RBFOX1: variants seen among roughly 807,000 people sequenced by gnomAD.
The protein encoded by RBFOX1 is RNA binding protein fox-1 homolog 1.
RBFOX1 carries 8 observed loss-of-function variants against 57.7 expected under a neutral mutation model. That is an observed-to-expected ratio of 0.14 (90% CI 0.08 to 0.25). The LOEUF (loss-of-function observed/expected upper bound fraction) is 0.25, where lower values mean the gene tolerates loss of function less well. RBFOX1 is among the 10% of genes least tolerant of loss of function. RBFOX1 has a pLI of 1.00. For synonymous variants in RBFOX1, 326 were observed against 222.4 expected (o/e 1.47, Z -4.15); for missense variants, 611 against 548.5 (o/e 1.11, Z -1.14).
At chr16:7,011,350 T>G (rs2093643751) in intron 3 of RBFOX1, among the ~76,000 whole-genome samples, 2 of 152,212 alleles carry the variant, frequency 1.3e-5, no homozygotes, top group Non-Finnish European at 2.9e-5. Context: ...TTAAGCAATT[T>G]GCCAAGGTCT....
intron 2 of RBFOX1, among the ~76,000 whole-genome samples, chr16:6,638,610 A>G (rs2098463080): frequency 6.6e-6 from 1 of 152,242 alleles, no homozygotes; most frequent in Non-Finnish European, 1.5e-5. Context: ...AGGTGTGTAC[A>G]CATAGATTGA....
intron 4 of RBFOX1, among the ~76,000 whole-genome samples, chr16:5,968,780 A>G (rs967564627): frequency 3.9e-5 from 6 of 152,108 alleles, no homozygotes; most frequent in African/African-American, 1.2e-4. Flanking sequence ...TTGAAATAGG[A>G]TTTTTAGAAT....
chr16:5,393,624 G>T (rs113309215), intron 1 of RBFOX1, among the ~76,000 whole-genome samples: 1 of 152,116 alleles, frequency 6.6e-6, no homozygotes. Flanking sequence ...CTGCTGTGTT[G>T]TTACTTCATG....
At chr16:6,148,791 T>C (rs2096777309) in intron 1 of RBFOX1, among the ~76,000 whole-genome samples, 1 of 152,204 alleles carries the variant, frequency 6.6e-6, no homozygotes, top group African/African-American at 2.4e-5. Context: ...ACCACAAGGG[T>C]GGAGTGGGGA....
At chr16:7,030,919 G>A (rs1208131583) in intron 3 of RBFOX1, among the ~76,000 whole-genome samples, 6 of 152,204 alleles carry the variant, frequency 3.9e-5, no homozygotes, top group Admixed American at 2.6e-4. Context: ...GACAAAGAGT[G>A]GAAGGGAATG....
At chr16:5,273,598 G>C (rs1045305523) in intron 1 of RBFOX1, among the ~76,000 whole-genome samples, 1 of 152,198 alleles carries the variant, frequency 6.6e-6, no homozygotes, top group Non-Finnish European at 1.5e-5. Flanking sequence ...CTGTGTTTAA[G>C]GTGAGAAGCG....
At chr16:5,317,666 T>C (rs530238344) in intron 1 of RBFOX1, among the ~76,000 whole-genome samples, 1 of 152,328 alleles carries the variant, frequency 6.6e-6, no homozygotes, top group East Asian at 1.9e-4. Context: ...TCCCTGAAAG[T>C]GCCTCATTCA....
intron 4 of RBFOX1, among the ~76,000 whole-genome samples, chr16:7,236,745 C>T (rs888855995): frequency 1.4e-4 from 22 of 152,092 alleles, no homozygotes; most frequent in Admixed American, 3.3e-4. Flanking sequence ...CTTCAGTGGC[C>T]TGAATTATTC....
At chr16:7,577,449 G>C (rs967789373) in intron 5 of RBFOX1, among the ~76,000 whole-genome samples, 1 of 152,176 alleles carries the variant, frequency 6.6e-6, no homozygotes, top group Non-Finnish European at 1.5e-5. Context: ...GCACTGCCCT[G>C]TCTTGGAATA....
At chr16:6,303,725 C>T (rs1028644314) in intron 1 of RBFOX1, among the ~76,000 whole-genome samples, 1 of 151,190 alleles carries the variant, frequency 6.6e-6, no homozygotes, top group Non-Finnish European at 1.5e-5. Context: ...CCTGTAATCC[C>T]AGCACTTTGG....
At chr16:6,101,711 C>A (rs2096311145) in intron 1 of RBFOX1, among the ~76,000 whole-genome samples, 1 of 152,116 alleles carries the variant, frequency 6.6e-6, no homozygotes, top group Non-Finnish European at 1.5e-5. Context: ...CACCTGAGGT[C>A]AGGAATTTGA....
At chr16:6,425,358 C>G (rs1274424475) in intron 2 of RBFOX1, among the ~76,000 whole-genome samples, 3 of 152,118 alleles carry the variant, frequency 2.0e-5, no homozygotes, top group African/African-American at 7.2e-5. Context: ...TTTAAATGCT[C>G]TTGATCAAAT....
intron 4 of RBFOX1, among the ~76,000 whole-genome samples, chr16:7,447,649 C>T (rs1257017785): frequency 6.6e-6 from 1 of 152,188 alleles, no homozygotes; most frequent in Non-Finnish European, 1.5e-5. Flanking sequence ...CCAAACTTTT[C>T]CTTGCATCTT....
chr16:6,966,789 A>T (rs8044987), intron 3 of RBFOX1, among the ~76,000 whole-genome samples: 3 of 127,880 alleles, frequency 2.3e-5, no homozygotes, highest in Admixed American at 2.3e-4. Flanking sequence ...CTATCTATCT[A>T]TCTGTCTGTC....
At chr16:5,440,601 C>T (rs76388039) in intron 1 of RBFOX1, among the ~76,000 whole-genome samples, 1,563 of 152,234 alleles carry the variant, frequency 0.01, 22 homozygotes, top group African/African-American at 0.036. Context: ...AATATTTTAT[C>T]CCTGTGATGC....
At chr16:6,846,874 A>G (rs1031149591) in intron 3 of RBFOX1, among the ~76,000 whole-genome samples, 7 of 152,036 alleles carry the variant, frequency 4.6e-5, no homozygotes, top group African/African-American at 1.7e-4. Context: ...TAAAGCCTGG[A>G]AGAAAATTAC....
chr16:6,440,160 C>G, intron 2 of RBFOX1, among the ~76,000 whole-genome samples: 1 of 151,964 alleles, frequency 6.6e-6, no homozygotes, highest in Non-Finnish European at 1.5e-5. Flanking sequence ...TGGTCTTGAA[C>G]TCTTGACCTC....
rs187923974 is a variant in RBFOX1 at position 6,401,695 on chromosome 16, A to G, written c.-64+84638A>G. 1.1e-3 allele frequency among the ~76,000 whole-genome samples: 162 copies of G among 152,306 alleles called. No homozygotes were observed. In the Middle Eastern group the frequency reaches 0.014, roughly 13 times the overall value. On this transcript the variant is annotated intron_variant, in intron 2 of 15. Coordinates refer to ENST00000550418, the MANE Select transcript of RBFOX1 (RefSeq NM_018723.4). ...CTATTGCTGTTCCCAGAGTGACTCC[A>G]TTGTTCTTAGACGCAGAGAACGAAG... is the stretch of plus-strand genomic sequence containing the variant.
chr16:7,480,946 A>G (rs2063788483), intron 4 of RBFOX1, among the ~76,000 whole-genome samples: 1 of 152,074 alleles, frequency 6.6e-6, no homozygotes, highest in Non-Finnish European at 1.5e-5. Context: ...AGTGCGAATT[A>G]CTCAATGCTA....
Sources: gnomAD v4.1 joint callset for allele counts (sites outside exome capture counted in the v4.1 genomes callset) on GRCh38, gnomAD v4.1.1 for gene constraint, MANE v1.5 for transcripts, NCBI Gene and HGNC (gene_info 2026-07-23, HGNC 2026-07-21) for gene names.